TMEM116: variants seen among roughly 807,000 people sequenced by gnomAD.
TMEM116 encodes transmembrane protein 116.
A neutral mutation model predicts 44.3 loss-of-function variants in TMEM116; 38 were observed. The observed-to-expected ratio is 0.86, with a 90% CI of 0.66 to 1.12. The LOEUF is 1.12. TMEM116 is among the 50% of genes most tolerant of loss of function. The probability of loss-of-function intolerance (pLI) is 0.00; values close to 1 mark genes in which losing one functional copy is unlikely to be tolerated. For missense variants in TMEM116, 354 were observed against 401.7 expected (o/e 0.88, Z 1.01); for synonymous variants, 132 against 144.8 (o/e 0.91, Z 0.64).
chr12:112,003,010 T>C (rs2077356487), intron 3 of TMEM116, among the ~76,000 whole-genome samples: 1 of 152,370 alleles, frequency 6.6e-6, no homozygotes, highest in Non-Finnish European at 1.5e-5. Flanking sequence ...CTTTTTGGTA[T>C]GAATAGTTTA....
At chr12:111,979,485 T>A (rs1744170539) in intron 4 of TMEM116, among the ~76,000 whole-genome samples, 1 of 152,140 alleles carries the variant, frequency 6.6e-6, no homozygotes, top group South Asian at 2.1e-4. Context: ...TGAAGAGTAA[T>A]CTCTTAATGG....
rs528790838 is a variant in TMEM116 at position 111,995,580 on chromosome 12, A to G, written c.79-3691T>C. Reference sequence around the variant, plus strand: ...TAGTGAAACCCCATCTCTACTAAAAATACAAAAATTAGCTGGGCATGGTGG... The same window carrying G: ...TAGTGAAACCCCATCTCTACTAAAAGTACAAAAATTAGCTGGGCATGGTGG... On this transcript the variant is annotated intron_variant, in intron 3 of 10. Transcript: ENST00000552374. Among the ~76,000 whole-genome samples the G allele has an allele frequency of 1.1e-4, 16 of 152,252 alleles. No homozygotes were observed. In the East Asian group the frequency reaches 3.1e-3, roughly 29 times the overall value.
intron 1 of TMEM116, chr12:112,005,667 A>C (rs193012847): frequency 4.1e-6 from 4 of 986,220 alleles, no homozygotes; most frequent in South Asian, 4.7e-5. Flanking sequence ...TTTAAGAAAA[A>C]AGAAACCTGG....
intron 5 of TMEM116, among the ~76,000 whole-genome samples, chr12:111,939,880 CTGTG>C (rs61322648): frequency 0.08 from 10,456 of 130,176 alleles, 384 homozygotes; most frequent in Middle Eastern, 0.13. Context: ...CTTCAAAGCT[CTGTG>C]TGTGTGTGTG....
chr12:111,991,960 T>C lies in TMEM116; in HGVS notation c.79-71A>G, dbSNP rs1593586497. The C allele has an allele frequency of 2.1e-6, 3 of 1,441,864 alleles. No individual in the cohort carries two copies. The East Asian group carries it at 7.8e-5, about 38-fold the overall frequency. 89.3% of individuals were successfully genotyped at this position (1,441,864 alleles called of 1,614,324 possible). On this transcript the variant is annotated intron_variant, in intron 3 of 10. Transcript: ENST00000552374. ...AGAATGTTAACAATGTAACAGTTCT[T>C]ACATTTTATGTTTCTAGTAGGAAAC...
chr12:111,962,238 T>C (rs1326912296), intron 4 of TMEM116, among the ~76,000 whole-genome samples: 1 of 152,168 alleles, frequency 6.6e-6, no homozygotes, highest in African/African-American at 2.4e-5. Context: ...ATGGCCATAC[T>C]GCCCAAAGTA....
chr12:112,003,795 C>G lies in TMEM116; in HGVS notation c.78+5G>C. 1 of 1,511,148 alleles carries G rather than the reference C, an allele frequency of 6.6e-7. No homozygotes were observed. Among genetic ancestry groups the G allele is most frequent in the South Asian group, 1.3e-5 (1 of 78,102 alleles). The allele number at this position is 1,511,148 out of a possible 1,614,324, so 93.6% of individuals were successfully genotyped here. A position where few individuals can be genotyped will look rare whatever the true frequency, so the allele number is the denominator to read the frequency against. ...TCAAATCCAACACAAAGAGAAATCA[C>G]TCACCTCTGGAGATTTCTGTATATT... is the stretch of plus-strand genomic sequence containing the variant. On this transcript the variant is annotated splice_donor_5th_base_variant and intron_variant, in intron 3 of 10. Transcript: ENST00000552374.
chr12:112,001,596 T>C (rs1021307410), intron 3 of TMEM116, among the ~76,000 whole-genome samples: 3 of 152,214 alleles, frequency 2.0e-5, no homozygotes, highest in South Asian at 2.1e-4. Context: ...CAAATAATTA[T>C]CTAGCCCCAA....
intron 4 of TMEM116, among the ~76,000 whole-genome samples, chr12:111,966,188 C>T (rs1435441862): frequency 6.6e-6 from 1 of 152,066 alleles, no homozygotes; most frequent in Non-Finnish European, 1.5e-5. Flanking sequence ...CACCTGCAAT[C>T]CCAGCTACTT....
At chr12:112,007,905 T>C (rs2077663925) in intron 1 of TMEM116, among the ~76,000 whole-genome samples, 1 of 152,258 alleles carries the variant, frequency 6.6e-6, no homozygotes, top group African/African-American at 2.4e-5. Context: ...GCTTGCTGTA[T>C]ATTCAGCACT....
At position 111,990,824 on chromosome 12, in the gene TMEM116, T is replaced by C. The variant is rs1278533725; in HGVS notation, c.210+934A>G. Among the ~76,000 whole-genome samples the C allele has an allele frequency of 3.3e-5, 5 of 152,324 alleles. No homozygotes were observed. The South Asian group carries it at 6.2e-4, about 19-fold the overall frequency. On this transcript the variant is annotated intron_variant, in intron 4 of 10. Transcript: ENST00000552374. ...CAAAATCCAGTGTTTATTTTACTCC[T>C]GTAACACAAAACCATCCAATCATTT...
chr12:111,958,872 T>C (rs1043435211), intron 4 of TMEM116, among the ~76,000 whole-genome samples: 2 of 152,178 alleles, frequency 1.3e-5, no homozygotes, highest in Non-Finnish European at 2.9e-5. Flanking sequence ...CTACGTTTGA[T>C]TGGTGTACCT....
chr12:111,995,097 A>C (rs2076856408), intron 3 of TMEM116, among the ~76,000 whole-genome samples: 1 of 152,186 alleles, frequency 6.6e-6, no homozygotes, highest in African/African-American at 2.4e-5. Flanking sequence ...CAAACCTTGC[A>C]TTGTCTTTAC....
intron 4 of TMEM116, among the ~76,000 whole-genome samples, chr12:111,949,156 C>T (rs1468034215): frequency 1.3e-5 from 2 of 150,710 alleles, no homozygotes; most frequent in Non-Finnish European, 1.5e-5. Context: ...AAAACAAAAA[C>T]AAAATCTTTT....
intron 4 of TMEM116, among the ~76,000 whole-genome samples, chr12:111,952,399 G>T (rs556077324): frequency 6.6e-6 from 1 of 152,194 alleles, no homozygotes; most frequent in African/African-American, 2.4e-5. Flanking sequence ...GGTGTGGATA[G>T]ATAAATTCCT....
intron 10 of TMEM116, 103 bp downstream of exon 10, chr12:111,932,483 G>A (rs888620548): frequency 3.2e-6 from 3 of 932,778 alleles, no homozygotes; most frequent in Non-Finnish European, 5.1e-6. Flanking sequence ...TTGCAATGTA[G>A]AAGTACCCGG....
intron 9 of TMEM116, 50 bp downstream of exon 9, chr12:111,933,836 A>C: frequency 1.2e-6 from 2 of 1,606,094 alleles, no homozygotes; most frequent in Non-Finnish European, 1.7e-6. Context: ...CTTGATCAGA[A>C]CCTAATAACT....
chr12:111,940,277 A>T (rs905323159), intron 5 of TMEM116, among the ~76,000 whole-genome samples: 12 of 150,110 alleles, frequency 8.0e-5, no homozygotes, highest in South Asian at 6.3e-4. Context: ...TGTCTCAAAA[A>T]ATATATATAT....
chr12:111,993,320 TA>T, intron 3 of TMEM116: 1 of 498,028 alleles, frequency 2.0e-6, no homozygotes, highest in Admixed American at 2.2e-5. Flanking sequence ...CAGTTACACT[TA>T]AGGAGGATGG....
Sources: gnomAD v4.1 joint callset for allele counts (sites outside exome capture counted in the v4.1 genomes callset) on GRCh38, gnomAD v4.1.1 for gene constraint, MANE v1.5 for transcripts, NCBI Gene and HGNC (gene_info 2026-07-23, HGNC 2026-07-21) for gene names.